BTBD3: variants seen among roughly 807,000 people sequenced by gnomAD.
BTBD3 encodes the protein BTB domain containing 3.
A neutral mutation model predicts 41.6 loss-of-function variants in BTBD3; 14 were observed. That is an observed-to-expected ratio of 0.34 (90% CI 0.22 to 0.53). The LOEUF (loss-of-function observed/expected upper bound fraction) is 0.53, where lower values mean the gene tolerates loss of function less well. Among genes scored for constraint, BTBD3 ranks in the 20% least tolerant of loss-of-function variants. The pLI is 0.95. For missense variants in BTBD3, 426 were observed against 654.7 expected, an observed-to-expected ratio of 0.65 and a Z score of 3.81; for synonymous variants, 249 against 233.7, an observed-to-expected ratio of 1.07 and a Z score of -0.60.
rs1490726125 is a variant in BTBD3 at position 11,897,492 on chromosome 20, A to G, written c.-126+6538A>G. Reference sequence around the variant, plus strand: ...TTTTCATGTTATTTAAGCAAAAAAAAAAAAAAAAAAAAAAAAAGAACATGG... The same window carrying G: ...TTTTCATGTTATTTAAGCAAAAAAAGAAAAAAAAAAAAAAAAAGAACATGG... On this transcript the variant is annotated intron_variant, in intron 1 of 4. Coordinates refer to the BTBD3 transcript ENST00000254977. 2.3e-4 allele frequency among the ~76,000 whole-genome samples: 34 copies of G among 148,950 alleles called. No homozygotes were observed. The South Asian group carries it at 6.9e-3, about 30-fold the overall frequency.
intron 1 of BTBD3, among the ~76,000 whole-genome samples, chr20:11,898,330 G>C (rs935443810): frequency 6.6e-6 from 1 of 151,888 alleles, no homozygotes; most frequent in Non-Finnish European, 1.5e-5. Context: ...CTTTGCACTG[G>C]ACTTTTTCCT....
At chr20:11,905,814 T>C (rs2056849838) in intron 1 of BTBD3, among the ~76,000 whole-genome samples, 1 of 152,230 alleles carries the variant, frequency 6.6e-6, no homozygotes, top group Non-Finnish European at 1.5e-5. Flanking sequence ...AATGATCCCT[T>C]CCATTGTGGC....
chr20:11,892,271 T>C (rs2122146296), intron 1 of BTBD3, among the ~76,000 whole-genome samples: 1 of 150,950 alleles, frequency 6.6e-6, no homozygotes, highest in Middle Eastern at 3.4e-3. Context: ...CCGCTTTCAC[T>C]GACTCCCTGC....
chr20:11,926,447 C>G lies in BTBD3; in HGVS notation c.*2781C>G, dbSNP rs568771951. The G allele has an allele frequency of 6.5e-6, 1 of 152,694 alleles. No individual in the cohort carries two copies. Among genetic ancestry groups the G allele is most frequent in the East Asian group, 1.9e-4 (1 of 5,180 alleles). 9.5% of individuals were successfully genotyped at this position (152,694 alleles called of 1,614,324 possible). On this transcript the variant is annotated 3_prime_UTR_variant, in exon 4 of 4. Coordinates refer to ENST00000378226, the MANE Select transcript of BTBD3 (RefSeq NM_014962.4). ...CAGTGTGCTTGAATTTAGTAGCTTACAGCATTATTTATGAAGGAAAAAATA... is the reference window on the plus strand; with the variant it reads ...CAGTGTGCTTGAATTTAGTAGCTTAGAGCATTATTTATGAAGGAAAAAATA...
At chr20:11,891,758 A>G (rs986925096) in intron 1 of BTBD3, among the ~76,000 whole-genome samples, 3 of 152,144 alleles carry the variant, frequency 2.0e-5, no homozygotes, top group African/African-American at 4.8e-5. Flanking sequence ...CAAGCAACCC[A>G]TTGTCCTGTG....
chr20:11,897,601 A>G (rs1233289362), intron 1 of BTBD3, among the ~76,000 whole-genome samples: 1 of 151,428 alleles, frequency 6.6e-6, no homozygotes, highest in Non-Finnish European at 1.5e-5. Flanking sequence ...AAATGTATCC[A>G]GAATCAGTTT....
chr20:11,911,378 AT>A (rs1225219907), intron 1 of BTBD3, among the ~76,000 whole-genome samples: 2 of 152,204 alleles, frequency 1.3e-5, no homozygotes, highest in Admixed American at 6.5e-5. Context: ...TATTATACAG[AT>A]TTTTTAAATC....
upstream of BTBD3, among the ~76,000 whole-genome samples, chr20:11,917,236 C>G (rs532441528): frequency 1.3e-3 from 196 of 152,184 alleles, no homozygotes; most frequent in African/African-American, 4.6e-3. Flanking sequence ...ATTTTTACTT[C>G]TAGAGTTTAT....
chr20:11,917,355 G>C (rs957958017), upstream of BTBD3, among the ~76,000 whole-genome samples: 1 of 152,134 alleles, frequency 6.6e-6, no homozygotes, highest in Non-Finnish European at 1.5e-5. Flanking sequence ...GAAAACATTG[G>C]GAGGTAAACT....
At chr20:11,895,978 A>G (rs1222075748) in intron 1 of BTBD3, among the ~76,000 whole-genome samples, 1 of 152,210 alleles carries the variant, frequency 6.6e-6, no homozygotes, top group Non-Finnish European at 1.5e-5. Context: ...TATGTCTTCT[A>G]GAAAGATCTC....
chr20:11,918,686 ACAAATCTGTTTCCTCTTTTCC>A, intron 1 of BTBD3, 85 bp downstream of exon 1: 1 of 1,375,668 alleles, frequency 7.3e-7, no homozygotes, highest in African/African-American at 1.5e-5. Context: ...GTATTTGAAC[ACAAATCTGTTTCCTCTTTTCC>A]CAGAAGCTTT....
In BTBD3 at chr20:11,923,531, C is replaced by A. The variant is rs965662975; in HGVS notation, c.1434C>A (p.Leu478=). 8.1e-6 allele frequency: 13 copies of A among 1,614,210 alleles called. No individual in the cohort carries two copies. Among genetic ancestry groups the A allele is most frequent in the Non-Finnish European group, 1.1e-5 (13 of 1,180,034 alleles). ...GTGTGATACTGGATGGCAATGAACT[C>A]AGCTACTTTGGACAAGAAGGCATGA... ...TASVILDGNE[L]SYFGQEGMTE... is the part of the protein sequence containing the mutation. The change falls in exon 4 of 4, where the codon CTC becomes CTA. Residue 478 remains leucine, a synonymous_variant. Transcript: ENST00000378226. The surrounding 1 kb of genome is among the most constrained non-coding windows in gnomAD (Gnocchi z 5.3).
intron 1 of BTBD3, among the ~76,000 whole-genome samples, chr20:11,908,059 T>A (rs2056866870): frequency 6.6e-6 from 1 of 152,228 alleles, no homozygotes; most frequent in Non-Finnish European, 1.5e-5. Flanking sequence ...TTTTTGATGC[T>A]ATATTTTAAA....
At chr20:11,919,632 T>C in intron 2 of BTBD3, 86 bp from the exon 3 acceptor site, 1 of 1,387,048 alleles carries the variant, frequency 7.2e-7, no homozygotes, top group Middle Eastern at 1.8e-4. Context: ...TTACTAAACC[T>C]GATTGCCTAG....
chr20:11,921,136 G>A (rs2122319487), intron 3 of BTBD3, among the ~76,000 whole-genome samples: 1 of 152,296 alleles, frequency 6.6e-6, no homozygotes, highest in Admixed American at 6.5e-5. Flanking sequence ...TGTTGCTGAG[G>A]AGATTGCTAG....
At chr20:11,894,092 A>G (rs2056772199) in intron 1 of BTBD3, among the ~76,000 whole-genome samples, 1 of 152,228 alleles carries the variant, frequency 6.6e-6, no homozygotes, top group African/African-American at 2.4e-5. Flanking sequence ...AGTGACCTTA[A>G]TTACCTCTTT....
upstream of BTBD3, among the ~76,000 whole-genome samples, chr20:11,916,979 T>G (rs576974746): frequency 2.6e-5 from 4 of 152,308 alleles, no homozygotes; most frequent in South Asian, 8.3e-4. Context: ...TTCTTCTAAT[T>G]CAAAGCAGAG....
At chr20:11,890,837 G>A (rs1481288433) in exon 1 of BTBD3, 4 of 985,150 alleles carry the variant, frequency 4.1e-6, no homozygotes, top group South Asian at 4.7e-5. Context: ...CTGCGTGCGG[G>A]TGCCCGCCGA....
intron 1 of BTBD3, chr20:11,918,840 A>C: frequency 1.7e-6 from 1 of 571,428 alleles, no homozygotes; most frequent in Non-Finnish European, 3.0e-6. Context: ...GGCCATAGAA[A>C]ATGGGAACCT....
Sources: gnomAD v4.1 joint callset for allele counts (sites outside exome capture counted in the v4.1 genomes callset) on GRCh38, gnomAD v4.1.1 for gene constraint, Gnocchi (gnomAD v3.1) non-coding constraint, MANE v1.5 for transcripts, NCBI Gene and HGNC (gene_info 2026-07-23, HGNC 2026-07-21) for gene names.